The following CAPRIN2 variants were observed in gnomAD, a reference collection of about 807,000 sequenced individuals.
CAPRIN2 encodes caprin-2.
CAPRIN2 carries 66 observed loss-of-function variants against 130.4 expected under a neutral mutation model. The ratio of observed to expected loss-of-function variants is 0.51; its 90% CI spans 0.42 to 0.62. The LOEUF (loss-of-function observed/expected upper bound fraction) is 0.62. Ranked by LOEUF, CAPRIN2 falls within the 20% of genes least tolerant of loss-of-function variation. The pLI, the probability that CAPRIN2 is intolerant of heterozygous loss-of-function variation, is 0.00. For synonymous variants in CAPRIN2, 471 were observed against 444.1 expected (o/e 1.06, Z -0.76); for missense variants, 1,185 against 1,246.6 (o/e 0.95, Z 0.74).
chr12:30,710,118 C>CACTG lies in CAPRIN2; in HGVS notation c.3014_3017dup (p.Asn1007SerfsTer13). On this transcript the variant is annotated frameshift_variant, in exon 17 of 17. Coordinates refer to ENST00000298892, the Ensembl canonical transcript of CAPRIN2. LOFTEE classifies it high-confidence loss of function. This position sits in a 1 kb window ranked among gnomAD's most constrained non-coding sequence, Gnocchi z 4.8. ...TGAGGTTGACATACAGTGGCACATTCACTGCCAGCTTTAGCATGTGAAAAA... is the reference window on the plus strand; with the variant it reads ...TGAGGTTGACATACAGTGGCACATTCACTGACTGCCAGCTTTAGCATGTGAAAAA... The CACTG allele has an allele frequency of 6.2e-7, 1 of 1,614,124 alleles. No homozygotes were observed. Among genetic ancestry groups the CACTG allele is most frequent in the Non-Finnish European group, 8.5e-7 (1 of 1,180,016 alleles).
At chr12:30,735,181 T>C in exon 4 of CAPRIN2, 2 of 1,614,152 alleles carry the variant, frequency 1.2e-6, no homozygotes, top group Non-Finnish European at 1.7e-6. Flanking sequence ...CTCCCTTCTC[T>C]GGGCCTTCTT....
chr12:30,741,223 A>G (rs2139083122), intron 2 of CAPRIN2, 117 bp from the exon 4 acceptor site: 2 of 493,768 alleles, frequency 4.1e-6, no homozygotes, highest in South Asian at 4.7e-5. Context: ...TTTACTATAC[A>G]TACACAAAAA....
chr12:30,739,009 G>T (rs1006867295), intron 3 of CAPRIN2, among the ~76,000 whole-genome samples: 1 of 152,098 alleles, frequency 6.6e-6, no homozygotes, highest in African/African-American at 2.4e-5. Flanking sequence ...TCCTCAAAGA[G>T]CTAAAACCAG....
chr12:30,715,583 T>C (rs1405466745), intron 13 of CAPRIN2: 1 of 380,842 alleles, frequency 2.6e-6, no homozygotes, highest in Non-Finnish European at 5.1e-6. Context: ...GTTCTGGAGG[T>C]GGACAGTGGT....
chr12:30,732,225 CA>C (rs1042948801), intron 5 of CAPRIN2, among the ~76,000 whole-genome samples: 8 of 151,960 alleles, frequency 5.3e-5, no homozygotes, highest in Non-Finnish European at 8.8e-5. Context: ...CACTACACTA[CA>C]AATAAGTCTA....
chr12:30,717,722 G>A (rs937038876), intron 12 of CAPRIN2, among the ~76,000 whole-genome samples: 2 of 151,840 alleles, frequency 1.3e-5, no homozygotes, highest in South Asian at 2.1e-4. Context: ...AAGGGTAAGG[G>A]GTCTTTTTTT....
chr12:30,743,567 T>G (rs1320666209), intron 2 of CAPRIN2, among the ~76,000 whole-genome samples: 1 of 152,176 alleles, frequency 6.6e-6, no homozygotes, highest in East Asian at 1.9e-4. Flanking sequence ...TGAACTTCCA[T>G]TTTTCTCCCA....
intron 2 of CAPRIN2, among the ~76,000 whole-genome samples, chr12:30,750,169 A>C (rs954116782): frequency 2.6e-5 from 4 of 152,304 alleles, no homozygotes. Flanking sequence ...ACACAATTCA[A>C]ATATGTGTCT....
chr12:30,736,972 C>A (rs1158487826), intron 3 of CAPRIN2, among the ~76,000 whole-genome samples: 1 of 152,154 alleles, frequency 6.6e-6, no homozygotes, highest in Non-Finnish European at 1.5e-5. Context: ...TGGGCTCATG[C>A]CACCTTGAAC....
Position 30,753,734 on chromosome 12 carries a change from C to T in CAPRIN2, c.30G>A (p.Leu10=), listed in dbSNP as rs1261793930. The T allele has an allele frequency of 1.9e-6, 3 of 1,612,360 alleles. No individual in the cohort carries two copies. The East Asian group carries it at 6.7e-5, about 36-fold the overall frequency. The change falls in exon 1 of 17, where the codon TTG becomes TTA. Residue 10 remains leucine (L), a synonymous_variant. Coordinates refer to ENST00000298892, the Ensembl canonical transcript of CAPRIN2. ...TTTCCACAGAAGTGAGCTCGAAACCCAATGATGCTTGAGATACTTGTACTT... is the reference window on the plus strand; with the variant it reads ...TTTCCACAGAAGTGAGCTCGAAACCTAATGATGCTTGAGATACTTGTACTT...
At chr12:30,742,321 A>C (rs1308901719) in intron 2 of CAPRIN2, among the ~76,000 whole-genome samples, 1 of 152,174 alleles carries the variant, frequency 6.6e-6, no homozygotes, top group Non-Finnish European at 1.5e-5. Context: ...TAATAATAAC[A>C]GTATTAGTAT....
chr12:30,732,810 C>A (rs1313606611), intron 5 of CAPRIN2, among the ~76,000 whole-genome samples: 1 of 151,992 alleles, frequency 6.6e-6, no homozygotes, highest in Non-Finnish European at 1.5e-5. Flanking sequence ...CTAATATGAA[C>A]ATTCATGTAC....
At chr12:30,719,338 C>T in intron 12 of CAPRIN2, 113 bp from the exon 14 acceptor site, 2 of 1,163,090 alleles carry the variant, frequency 1.7e-6, no homozygotes, top group African/African-American at 1.5e-5. Flanking sequence ...GACATTTGGA[C>T]ACAGGAATGC....
intron 8 of CAPRIN2, among the ~76,000 whole-genome samples, chr12:30,726,423 G>T (rs1190923593): frequency 7.3e-6 from 1 of 137,526 alleles, no homozygotes. Context: ...ACATACCAAT[G>T]ATTTTTTTTT....
At chr12:30,716,371 T>A in intron 13 of CAPRIN2, 137 bp downstream of exon 15, 1 of 761,368 alleles carries the variant, frequency 1.3e-6, no homozygotes, top group Non-Finnish European at 2.1e-6. Context: ...TTCTCAACAC[T>A]GGAGGAACAT....
At chr12:30,722,528 G>A (rs1298255630) in intron 11 of CAPRIN2, among the ~76,000 whole-genome samples, 3 of 143,770 alleles carry the variant, frequency 2.1e-5, no homozygotes, top group East Asian at 2.1e-4. Flanking sequence ...AACAAAAAAT[G>A]TAACTGCTTT....
chr12:30,747,384 A>G (rs2071104140), intron 2 of CAPRIN2, among the ~76,000 whole-genome samples: 1 of 152,186 alleles, frequency 6.6e-6, no homozygotes, highest in African/African-American at 2.4e-5. Flanking sequence ...CGTCTTCTTA[A>G]GAAATACATT....
intron 8 of CAPRIN2, among the ~76,000 whole-genome samples, 165 bp from the exon 10 acceptor site, chr12:30,726,253 A>G (rs888270211): frequency 6.6e-5 from 10 of 152,252 alleles, no homozygotes; most frequent in Non-Finnish European, 1.2e-4. Flanking sequence ...AGCAAACTTT[A>G]AACAGATTTT....
intron 2 of CAPRIN2, among the ~76,000 whole-genome samples, chr12:30,743,159 A>T (rs1381203926): frequency 1.8e-5 from 2 of 112,408 alleles, no homozygotes; most frequent in Non-Finnish European, 3.3e-5. Flanking sequence ...CCTGGATCCT[A>T]CGGAATTGTG....
Sources: gnomAD v4.1 joint callset for allele counts (sites outside exome capture counted in the v4.1 genomes callset) on GRCh38, gnomAD v4.1.1 for gene constraint, Gnocchi (gnomAD v3.1) non-coding constraint, MANE v1.5 for transcripts, NCBI Gene and HGNC (gene_info 2026-07-23, HGNC 2026-07-21) for gene names.